Variants in TMTC2 observed in about 807,000 individuals in gnomAD.
TMTC2 encodes transmembrane O-mannosyltransferase targeting cadherins 2, also known as protein O-mannosyl-transferase TMTC2.
A neutral mutation model predicts 82.4 loss-of-function variants in TMTC2; 43 were observed. The observed-to-expected ratio is 0.52, with a 90% CI of 0.41 to 0.67. TMTC2 has a LOEUF of 0.67. TMTC2 is among the 30% of genes least tolerant of loss of function. TMTC2 has a pLI of 0.00. For synonymous variants in TMTC2, 408 were observed against 381.9 expected (o/e 1.07, Z -0.80); for missense variants, 919 against 1,012.4 (o/e 0.91, Z 1.25).
chr12:82,975,026 A>G (rs1032993475), intron 7 of TMTC2, among the ~76,000 whole-genome samples: 2 of 152,144 alleles, frequency 1.3e-5, no homozygotes, highest in African/African-American at 4.8e-5. Flanking sequence ...AAGAGTATCT[A>G]TCTATGACTT....
intron 9 of TMTC2, among the ~76,000 whole-genome samples, chr12:83,050,573 G>A (rs138583544): frequency 5.0e-4 from 76 of 151,944 alleles, no homozygotes; most frequent in African/African-American, 1.3e-3. Context: ...GTACATATGC[G>A]TCAGAGACAG....
rs554046821 is a variant in TMTC2 at position 82,862,967 on chromosome 12, G to A, written c.654+5387G>A. On this transcript the variant is annotated intron_variant, in intron 2 of 11. Transcript: ENST00000321196. Reference sequence around the variant, plus strand: ...TTGAATGTAGTGTTTCTGTACTTCTGACTATTTTGTGTGGCTTTCTCTATA... The same window carrying A: ...TTGAATGTAGTGTTTCTGTACTTCTAACTATTTTGTGTGGCTTTCTCTATA... Among the ~76,000 whole-genome samples the A allele has an allele frequency of 1.2e-3, 180 of 152,270 alleles. 1 individual carries two copies. Among genetic ancestry groups the A allele is most frequent in the Admixed American group, 3.8e-3 (58 of 15,284 alleles).
chr12:82,830,073 C>A (rs2137075127), intron 1 of TMTC2, among the ~76,000 whole-genome samples: 1 of 152,190 alleles, frequency 6.6e-6, no homozygotes, highest in Non-Finnish European at 1.5e-5. Flanking sequence ...ACTTAAAAAC[C>A]TTTTAAAGAA....
intron 1 of TMTC2, among the ~76,000 whole-genome samples, chr12:82,765,680 A>G (rs557745869): frequency 7.0e-6 from 1 of 143,390 alleles, no homozygotes; most frequent in East Asian, 1.9e-4. Context: ...ATCTCGAAAA[A>G]ACAAAACAAA....
chr12:82,821,782 A>G (rs372383513), intron 1 of TMTC2, among the ~76,000 whole-genome samples: 5 of 151,740 alleles, frequency 3.3e-5, no homozygotes, highest in African/African-American at 9.7e-5. Flanking sequence ...GCTGAGGCAG[A>G]TAAGTGCTTA....
chr12:83,041,364 C>T (rs1164548973), intron 9 of TMTC2, among the ~76,000 whole-genome samples: 1 of 152,184 alleles, frequency 6.6e-6, no homozygotes, highest in Non-Finnish European at 1.5e-5. Context: ...GCTGCACTCT[C>T]TGCTCCTCAG....
intron 1 of TMTC2, among the ~76,000 whole-genome samples, chr12:82,741,432 TC>T (rs1314739509): frequency 1.1e-4 from 17 of 152,292 alleles, no homozygotes; most frequent in Non-Finnish European, 2.4e-4. Context: ...TGCCTTAGCC[TC>T]CTGAGTAGCT....
chr12:82,892,208 G>A (rs1873433849), intron 2 of TMTC2, among the ~76,000 whole-genome samples: 1 of 152,118 alleles, frequency 6.6e-6, no homozygotes, highest in Admixed American at 6.5e-5. Context: ...TCAAATGAGG[G>A]ATTATATATG....
chr12:82,927,374 C>G (rs1875780875), intron 3 of TMTC2, among the ~76,000 whole-genome samples: 1 of 152,156 alleles, frequency 6.6e-6, no homozygotes, highest in South Asian at 2.1e-4. Flanking sequence ...GACTGAATTG[C>G]TGTAATCTCA....
intron 8 of TMTC2, among the ~76,000 whole-genome samples, chr12:82,999,549 G>T (rs1019837770): frequency 6.6e-6 from 1 of 152,174 alleles, no homozygotes; most frequent in Admixed American, 6.5e-5. Context: ...GTTCCACATG[G>T]CTGGGGAGGC....
chr12:82,726,742 G>A (rs978197048), intron 1 of TMTC2, among the ~76,000 whole-genome samples: 89 of 152,110 alleles, frequency 5.9e-4, no homozygotes, highest in African/African-American at 1.8e-3. Context: ...AGCCGGGCGT[G>A]TTGGTGGGCG....
chr12:82,779,745 C>A (rs760899970), intron 1 of TMTC2, among the ~76,000 whole-genome samples: 2 of 151,908 alleles, frequency 1.3e-5, no homozygotes, highest in African/African-American at 2.4e-5. Flanking sequence ...CTAAAAACTA[C>A]AAAAATTAGC....
intron 8 of TMTC2, among the ~76,000 whole-genome samples, chr12:83,005,824 C>T (rs1297981775): frequency 6.6e-6 from 1 of 152,202 alleles, no homozygotes; most frequent in Non-Finnish European, 1.5e-5. Context: ...GGTCAGTGCA[C>T]AGGCAGATGT....
chr12:83,113,629 A>G (rs1358160835), intron 11 of TMTC2, among the ~76,000 whole-genome samples: 1 of 152,244 alleles, frequency 6.6e-6, no homozygotes, highest in Non-Finnish European at 1.5e-5. Context: ...CATGGCTTAG[A>G]GTACAGCGTG....
intron 11 of TMTC2, among the ~76,000 whole-genome samples, chr12:83,100,873 C>G (rs1592746634): frequency 6.6e-6 from 1 of 152,180 alleles, no homozygotes; most frequent in East Asian, 1.9e-4. Flanking sequence ...CCTCTGGAAG[C>G]TTCTTTCAGA....
intron 1 of TMTC2, among the ~76,000 whole-genome samples, chr12:82,811,807 C>CTTTTTTTT (rs1171596880): frequency 1.1e-4 from 10 of 91,096 alleles, no homozygotes; most frequent in Non-Finnish European, 1.5e-4. Context: ...TGCTCTCCTT[C>CTTTTTTTT]TTTTTTTTTT....
In TMTC2 at chr12:82,739,936, T is replaced by G. The variant is rs1046427876; in HGVS notation, c.83+52267T>G. 3.3e-4 allele frequency among the ~76,000 whole-genome samples: 50 copies of G among 152,056 alleles called. 1 individual carries two copies. The highest frequency in any genetic ancestry group is 1.1e-3 in the African/African-American group (44 of 41,464). ...GTTTCTTAAACTATGAAAGTGTGAT[T>G]GTTATAAAGATGAAATGGAACATGT... On this transcript the variant is annotated intron_variant, in intron 1 of 11. Transcript: ENST00000321196.
At chr12:82,904,700 G>A (rs969404838) in intron 3 of TMTC2, among the ~76,000 whole-genome samples, 1 of 152,138 alleles carries the variant, frequency 6.6e-6, no homozygotes. Flanking sequence ...CGCCTTTAAA[G>A]CAACTCATTT....
At chr12:82,763,401 G>C (rs1266404954) in intron 1 of TMTC2, among the ~76,000 whole-genome samples, 25 of 152,208 alleles carry the variant, frequency 1.6e-4, no homozygotes, top group Admixed American at 1.6e-3. Context: ...GCTGACCCAA[G>C]TGGGGAGAGT....
Sources: gnomAD v4.1 joint callset for allele counts (sites outside exome capture counted in the v4.1 genomes callset) on GRCh38, gnomAD v4.1.1 for gene constraint, MANE v1.5 for transcripts, NCBI Gene and HGNC (gene_info 2026-07-23, HGNC 2026-07-21) for gene names.